The following NTM variants were observed in gnomAD, a reference collection of about 807,000 sequenced individuals.
NTM encodes the protein neurotrimin, also known as IgLON family member 2.
In NTM, 13 loss-of-function variants were observed where a neutral mutation model predicts 42.1. The ratio of observed to expected loss-of-function variants is 0.31; its 90% CI spans 0.20 to 0.49. The LOEUF (loss-of-function observed/expected upper bound fraction) is 0.49, where lower values mean the gene tolerates loss of function less well. Among genes scored for constraint, NTM ranks in the 20% least tolerant of loss-of-function variants. The pLI is 0.99. For synonymous variants in NTM, 187 were observed against 179.2 expected (o/e 1.04, Z -0.35); for missense variants, 373 against 452.8 (o/e 0.82, Z 1.60).
chr11:132,273,281 T>C (rs911114762), intron 4 of NTM, among the ~76,000 whole-genome samples: 2 of 151,466 alleles, frequency 1.3e-5, no homozygotes, highest in African/African-American at 4.8e-5. Flanking sequence ...TAATCATTTT[T>C]ATTTGTTGCC....
chr11:131,866,106 CAT>C (rs1273555195), intron 1 of NTM, among the ~76,000 whole-genome samples: 4 of 151,510 alleles, frequency 2.6e-5, no homozygotes, highest in Non-Finnish European at 4.4e-5. Context: ...CACACACACA[CAT>C]GCTGCACACA....
chr11:132,229,401 A>G (rs1350656584), intron 4 of NTM, among the ~76,000 whole-genome samples: 1 of 152,212 alleles, frequency 6.6e-6, no homozygotes, highest in African/African-American at 2.4e-5. Flanking sequence ...TTCTGTTTCA[A>G]TACTAACAAG....
intron 1 of NTM, among the ~76,000 whole-genome samples, chr11:131,464,438 C>G (rs577994944): frequency 2.2e-4 from 33 of 152,210 alleles, no homozygotes; most frequent in African/African-American, 7.9e-4. Flanking sequence ...CCGTCTCTAA[C>G]CTGGGTGGTA....
intron 1 of NTM, among the ~76,000 whole-genome samples, chr11:131,587,326 T>C (rs1361884632): frequency 6.6e-6 from 1 of 152,074 alleles, no homozygotes; most frequent in African/African-American, 2.4e-5. Flanking sequence ...CAGGTGCCTA[T>C]AGTCCTAGCT....
intron 3 of NTM, among the ~76,000 whole-genome samples, chr11:132,186,906 C>A (rs888132187): frequency 1.3e-5 from 2 of 152,168 alleles, no homozygotes; most frequent in Non-Finnish European, 2.9e-5. Context: ...CGCTAGGTGG[C>A]GCCCTGTGGA....
intron 1 of NTM, among the ~76,000 whole-genome samples, chr11:131,440,330 G>T (rs1450169070): frequency 1.3e-5 from 2 of 152,104 alleles, no homozygotes; most frequent in African/African-American, 2.4e-5. Context: ...TGACTCAAGG[G>T]CTTCTCTTTA....
At chr11:131,550,508 C>T (rs2054523772) in intron 1 of NTM, among the ~76,000 whole-genome samples, 1 of 152,132 alleles carries the variant, frequency 6.6e-6, no homozygotes, top group African/African-American at 2.4e-5. Context: ...AGGTATGCAG[C>T]ACCTCCTTCT....
chr11:131,511,508 G>C (rs1425491054), intron 1 of NTM, among the ~76,000 whole-genome samples: 3 of 152,216 alleles, frequency 2.0e-5, no homozygotes, highest in Non-Finnish European at 4.4e-5. Context: ...AGCAATGCTA[G>C]TGCCTCCAAA....
intron 1 of NTM, among the ~76,000 whole-genome samples, chr11:131,758,786 T>C (rs1477463871): frequency 6.6e-6 from 1 of 152,054 alleles, no homozygotes; most frequent in Non-Finnish European, 1.5e-5. Context: ...GAGAAGGGGT[T>C]TCACCATGTT....
At chr11:131,832,173 T>G (rs911376138) in intron 1 of NTM, among the ~76,000 whole-genome samples, 7 of 127,232 alleles carry the variant, frequency 5.5e-5, no homozygotes, top group African/African-American at 2.1e-4. Context: ...TGGGTCAAAC[T>G]CCGGGTGTTA....
chr11:132,025,326 G>T (rs893774020), intron 2 of NTM, among the ~76,000 whole-genome samples: 2 of 152,176 alleles, frequency 1.3e-5, no homozygotes, highest in African/African-American at 4.8e-5. Flanking sequence ...CATTTTAGCA[G>T]TCTACCCAAT....
intron 1 of NTM, among the ~76,000 whole-genome samples, chr11:131,822,424 G>A (rs557475846): frequency 6.6e-6 from 1 of 152,132 alleles, no homozygotes; most frequent in African/African-American, 2.4e-5. Context: ...ATAATAAAAT[G>A]GAATTGCACT....
chr11:132,013,347 G>A (rs190848896), intron 2 of NTM, among the ~76,000 whole-genome samples: 6 of 152,312 alleles, frequency 3.9e-5, no homozygotes, highest in Admixed American at 1.3e-4. Context: ...GTTGTGCTTA[G>A]AGAGTCACTG....
At chr11:131,809,702 G>A (rs961464753) in intron 1 of NTM, among the ~76,000 whole-genome samples, 12 of 152,098 alleles carry the variant, frequency 7.9e-5, no homozygotes, top group East Asian at 1.9e-4. Context: ...GGCAGCTGTC[G>A]TCTGGTGACA....
intron 1 of NTM, among the ~76,000 whole-genome samples, chr11:131,504,562 C>T (rs765641792): frequency 1.3e-5 from 2 of 152,142 alleles, no homozygotes; most frequent in Admixed American, 6.5e-5. Flanking sequence ...TTTCACACAG[C>T]GCTGGGGTTC....
intron 4 of NTM, among the ~76,000 whole-genome samples, chr11:132,287,441 G>C (rs1346463178): frequency 6.6e-6 from 1 of 152,092 alleles, no homozygotes; most frequent in African/African-American, 2.4e-5. Context: ...TGTCAGGCTG[G>C]GTGTGCATGT....
At chr11:131,789,637 A>AAGAAGAAGAAG (rs2090490406) in intron 1 of NTM, among the ~76,000 whole-genome samples, 2 of 24,396 alleles carry the variant, frequency 8.2e-5, no homozygotes, top group Non-Finnish European at 1.8e-4. Flanking sequence ...AGAAGAAGAA[A>AAGAAGAAGAAG]AGAAGAAGAA....
intron 2 of NTM, among the ~76,000 whole-genome samples, chr11:132,017,928 G>A (rs2073692622): frequency 6.6e-6 from 1 of 151,878 alleles, no homozygotes; most frequent in Non-Finnish European, 1.5e-5. Flanking sequence ...CTTGTTTATT[G>A]TCAGTGTACA....
At chr11:131,396,639 A>G (rs1944591028) in intron 1 of NTM, among the ~76,000 whole-genome samples, 1 of 152,048 alleles carries the variant, frequency 6.6e-6, no homozygotes, top group East Asian at 1.9e-4. Context: ...TTCGAGACCA[A>G]CCGGGCTAAG....
Sources: allele counts gnomAD v4.1 joint callset (sites outside exome capture counted in the v4.1 genomes callset), GRCh38; gene constraint gnomAD v4.1.1; transcripts MANE v1.5; gene names NCBI Gene and HGNC (gene_info 2026-07-23, HGNC 2026-07-21).